Variants in PTPN11 observed in about 807,000 individuals in gnomAD.
PTPN11 encodes the protein tyrosine-protein phosphatase non-receptor type 11.
Under a neutral mutation model 78.8 loss-of-function variants are expected in PTPN11, and 6 were observed. The observed-to-expected ratio is 0.08, with a 90% confidence interval of 0.04 to 0.15. PTPN11 has a LOEUF of 0.15. Among genes scored for constraint, PTPN11 ranks in the 10% least tolerant of loss-of-function variants. PTPN11 has a pLI of 1.00. For missense variants in PTPN11, 386 were observed against 744.8 expected (o/e 0.52, Z 5.61); for synonymous variants, 221 against 263.5 (o/e 0.84, Z 1.56).
chr12:112,433,982 C>A (rs1187499485), intron 1 of PTPN11, among the ~76,000 whole-genome samples: 1 of 151,782 alleles, frequency 6.6e-6, no homozygotes, highest in East Asian at 1.9e-4. Context: ...AAAAACAAAA[C>A]CTCCTGTAAA....
intron 11 of PTPN11, chr12:112,487,017 C>A: frequency 1.3e-6 from 1 of 789,188 alleles, no homozygotes; most frequent in Non-Finnish European, 1.7e-6. Context: ...TGGAAATAGG[C>A]CTGACTCTTG....
chr12:112,501,455 T>C (rs1290668001), intron 13 of PTPN11, among the ~76,000 whole-genome samples: 4 of 152,110 alleles, frequency 2.6e-5, no homozygotes, highest in African/African-American at 9.7e-5. Context: ...TTAAGCCCCA[T>C]CTCTACTAAA....
At chr12:112,425,767 C>G (rs1566154049) in intron 1 of PTPN11, among the ~76,000 whole-genome samples, 1 of 152,106 alleles carries the variant, frequency 6.6e-6, no homozygotes, top group Non-Finnish European at 1.5e-5. Flanking sequence ...CTCACTCTGT[C>G]ACCCAGGCTG....
rs1214239917 is a variant in PTPN11 at position 112,464,380 on chromosome 12, T to A, written c.756+8317T>A. 3.3e-5 allele frequency among the ~76,000 whole-genome samples: 5 copies of A among 152,128 alleles called. No homozygotes were observed. The East Asian group carries it at 9.6e-4, about 29-fold the overall frequency. ...GTGATCTAGACATTGCAAACCCAAG[T>A]CTTTGATTTTTTTTTCCCTACAGAT... On this transcript the variant is annotated intron_variant, in intron 6 of 15. Coordinates refer to ENST00000351677, the MANE Select transcript of PTPN11 (RefSeq NM_002834.5).
rs56846748 is a variant in PTPN11 at position 112,459,908 on chromosome 12, TACACACAC to T, written c.756+3872_756+3879del. 2.0e-4 allele frequency among the ~76,000 whole-genome samples: 29 copies of T among 146,984 alleles called. No homozygotes were observed. The East Asian group carries it at 2.6e-3, about 13-fold the overall frequency. On this transcript the variant is annotated intron_variant, in intron 6 of 15. Transcript: ENST00000351677. ...ATATCAGTCACATTTTCCTGATTGC[TACACACAC>T]ACACACACACACACACACACACACA...
chr12:112,452,924 TA>T (rs200651902), intron 3 of PTPN11, among the ~76,000 whole-genome samples: 5 of 151,430 alleles, frequency 3.3e-5, no homozygotes, highest in South Asian at 2.1e-4. Context: ...AGGAGGGATT[TA>T]AAAAAAAACA....
chr12:112,497,504 A>G (rs1366527082), intron 13 of PTPN11, among the ~76,000 whole-genome samples: 8 of 152,312 alleles, frequency 5.3e-5, no homozygotes, highest in East Asian at 1.9e-4. Context: ...CCGTGCCCCT[A>G]TGTGCCCTAT....
chr12:112,467,008 G>A lies in PTPN11; in HGVS notation c.757-5936G>A, dbSNP rs1033900105. 2.0e-5 allele frequency among the ~76,000 whole-genome samples: 3 copies of A among 152,124 alleles called. 1 individual carries two copies. The South Asian group carries it at 6.2e-4, about 32-fold the overall frequency. On this transcript the variant is annotated intron_variant, in intron 6 of 15. Transcript: ENST00000351677. ...TTGGAAGCCTCTGGGGTCTATTTTG[G>A]TCATTGCAGTCACTGGGCTGCTGCT...
rs561307292 is a variant in PTPN11 at position 112,420,525 on chromosome 12, G to T, written c.14+1400G>T. ...TGCCCGGCTAATTTTTGTATTTTTA[G>T]TAGAGACAGGGTTTCACTATGTTGG... On this transcript the variant is annotated intron_variant, in intron 1 of 15. Coordinates refer to ENST00000351677, the MANE Select transcript of PTPN11 (RefSeq NM_002834.5). Among the ~76,000 whole-genome samples the T allele has an allele frequency of 2.6e-5, 4 of 152,086 alleles. No individual in the cohort carries two copies. In the South Asian group the frequency reaches 8.3e-4, roughly 32 times the overall value.
chr12:112,458,123 G>C (rs546191556), intron 6 of PTPN11, among the ~76,000 whole-genome samples: 5 of 152,316 alleles, frequency 3.3e-5, no homozygotes, highest in African/African-American at 1.2e-4. Flanking sequence ...TGCTGAGATA[G>C]ATATGATTTC....
chr12:112,462,637 A>G (rs1421053048), intron 6 of PTPN11, among the ~76,000 whole-genome samples: 1 of 152,254 alleles, frequency 6.6e-6, no homozygotes, highest in Admixed American at 6.5e-5. Flanking sequence ...CAAAAATATA[A>G]GAAGATATTC....
Position 112,467,832 on chromosome 12 carries a change from T to TA in PTPN11, c.757-5111dup, listed in dbSNP as rs1039355087. On this transcript the variant is annotated intron_variant, in intron 6 of 15. Coordinates refer to ENST00000351677, the MANE Select transcript of PTPN11 (RefSeq NM_002834.5). ...TAAACAACCAGATTGCACGTGAACT[T>TA]AGAGTGAGAACTCACTGTGAGGATG... Among the ~76,000 whole-genome samples, 150 of 152,204 alleles carry TA rather than the reference T, an allele frequency of 9.9e-4. 1 individual carries two copies. Among genetic ancestry groups the TA allele is most frequent in the African/African-American group, 3.2e-3 (132 of 41,532 alleles).
At position 112,504,630 on chromosome 12, in the gene PTPN11, T is replaced by C. The variant is rs1592864137; in HGVS notation, c.1713-65T>C. 5 of 1,189,300 alleles carry C rather than the reference T, an allele frequency of 4.2e-6. No individual in the cohort carries two copies. Among genetic ancestry groups the C allele is most frequent in the East Asian group, 5.0e-5 (2 of 40,156 alleles). 73.7% of individuals were successfully genotyped at this position (1,189,300 alleles called of 1,614,324 possible). On this transcript the variant is annotated intron_variant, in intron 14 of 15. Transcript: ENST00000351677. The surrounding 1 kb of genome is among the most constrained non-coding windows in gnomAD (Gnocchi z 4.7). ...GAATGTAGTATGTGTTTTATAGATA[T>C]CATGTAAGCTTAAACAGCGTGGTCT...
intron 7 of PTPN11, 139 bp from the exon 8 acceptor site, chr12:112,477,512 C>A: frequency 1.4e-6 from 1 of 695,466 alleles, no homozygotes; most frequent in Non-Finnish European, 2.5e-6. Flanking sequence ...TTTTGCTTAC[C>A]TGGGCTTTAA....
intron 11 of PTPN11, among the ~76,000 whole-genome samples, chr12:112,487,115 TTC>T (rs371088967): frequency 9.5e-4 from 143 of 150,702 alleles, no homozygotes; most frequent in African/African-American, 2.9e-3. Flanking sequence ...TGTGATTCTG[TTC>T]TCTCTCTCTC....
At chr12:112,424,866 ATT>A (rs2135825565) in intron 1 of PTPN11, among the ~76,000 whole-genome samples, 1 of 127,604 alleles carries the variant, frequency 7.8e-6, no homozygotes, top group East Asian at 2.4e-4. Flanking sequence ...TGTCAGGCTA[ATT>A]GTGTGTGTGT....
intron 7 of PTPN11, 89 bp from the exon 8 acceptor site, chr12:112,477,562 C>A: frequency 1.9e-6 from 2 of 1,031,448 alleles, no homozygotes; most frequent in Non-Finnish European, 3.0e-6. Context: ...ATGAACAAAA[C>A]TTGGACTAGG....
chr12:112,445,417 C>T (rs567748080), intron 1 of PTPN11, among the ~76,000 whole-genome samples: 2 of 152,242 alleles, frequency 1.3e-5, no homozygotes, highest in African/African-American at 4.8e-5. Flanking sequence ...TAGGCGTGAG[C>T]CACTGTTCCC....
chr12:112,452,510 G>A (rs1326849906), intron 3 of PTPN11, among the ~76,000 whole-genome samples: 1 of 152,182 alleles, frequency 6.6e-6, no homozygotes, highest in Non-Finnish European at 1.5e-5. Context: ...ACAGGCATGA[G>A]CCACCACGTC....
Sources: allele counts gnomAD v4.1 joint callset (sites outside exome capture counted in the v4.1 genomes callset), GRCh38; gene constraint gnomAD v4.1.1; non-coding constraint Gnocchi (gnomAD v3.1); transcripts MANE v1.5; gene names NCBI Gene and HGNC (gene_info 2026-07-23, HGNC 2026-07-21).